ECT2L: variants seen among roughly 807,000 people sequenced by gnomAD.
ECT2L encodes the protein epithelial cell transforming 2 like, also known as epithelial cell-transforming sequence 2 oncogene-like.
Under a neutral mutation model 122.8 loss-of-function variants are expected in ECT2L, and 126 were observed. The ratio of observed to expected loss-of-function variants is 1.03; its 90% confidence interval spans 0.89 to 1.19. ECT2L has a LOEUF of 1.19. Ranked by LOEUF, ECT2L falls within the 50% of genes most tolerant of loss-of-function variation. ECT2L has a pLI of 0.00. For missense variants in ECT2L, 1,012 were observed against 1,064.1 expected (o/e 0.95, Z 0.68); for synonymous variants, 385 against 381.8 (o/e 1.01, Z -0.10).
chr6:138,894,206 G>A (rs923112929), intron 20 of ECT2L, among the ~76,000 whole-genome samples: 4 of 152,040 alleles, frequency 2.6e-5, no homozygotes, highest in Admixed American at 6.6e-5. Context: ...ACAGGCACAC[G>A]CCACCACACC....
chr6:138,885,752 C>A lies in ECT2L; in HGVS notation c.2181C>A (p.Thr727=). The A allele has an allele frequency of 6.2e-7, 1 of 1,614,110 alleles. No homozygotes were observed. ...TTCTCTACGCTGTCAGGCTTCATAC[C>A]CCTGCAGAGCATGTTGACCGTGGGG... ...LNLLYAVRLH[T]PAEHVDRGDL... is the part of the protein sequence containing the mutation. The change falls in exon 18 of 22, where the codon ACC becomes ACA. Residue 727 remains threonine, a synonymous_variant. Transcript: ENST00000541398.
intron 13 of ECT2L, among the ~76,000 whole-genome samples, chr6:138,869,212 G>GA: frequency 6.6e-6 from 1 of 152,280 alleles, no homozygotes; most frequent in Admixed American, 6.5e-5. Context: ...CTCTCCCTCT[G>GA]AGGGGAGTCG....
chr6:138,799,100 T>C (rs1210039912), intron 1 of ECT2L, among the ~76,000 whole-genome samples: 1 of 152,256 alleles, frequency 6.6e-6, no homozygotes, highest in Non-Finnish European at 1.5e-5. Flanking sequence ...AATCGTCCAT[T>C]GCTCAATTAA....
In ECT2L at chr6:138,864,322, A is replaced by G. The variant is rs75512699; in HGVS notation, c.1292-674A>G. On this transcript the variant is annotated intron_variant, in intron 11 of 21. Coordinates refer to ENST00000541398, the MANE Select transcript of ECT2L (RefSeq NM_001077706.3). ...GGGTGACAGAGCAAGACTGTCTCAA[A>G]CAGAAACAAAAACATGTTGTGAACC... is the stretch of plus-strand genomic sequence containing the variant. 3.7e-3 allele frequency among the ~76,000 whole-genome samples: 558 copies of G among 152,330 alleles called. 6 individuals carry two copies. The highest frequency in any genetic ancestry group is 0.013 in the African/African-American group (527 of 41,584).
chr6:138,872,729 T>C (rs1778299756), intron 13 of ECT2L, among the ~76,000 whole-genome samples: 1 of 152,170 alleles, frequency 6.6e-6, no homozygotes, highest in Non-Finnish European at 1.5e-5. Context: ...TTCCAAATTC[T>C]TCCAAAGTCC....
Position 138,844,455 on chromosome 6 carries a change from C to T in ECT2L, c.639C>T (p.Cys213=). Residue 213 remains cysteine (C), a synonymous_variant, in exon 7 of 22, where the codon TGC becomes TGT. Transcript: ENST00000541398. ...GACCCCCTTGGGTGAGTGGAACTTGCTGCTCTAGCGTGCTAAAGCCCAGAT... is the reference window on the plus strand; with the variant it reads ...GACCCCCTTGGGTGAGTGGAACTTGTTGCTCTAGCGTGCTAAAGCCCAGAT... The part of the protein sequence containing the change: ...KVRPPWVSGT[C]CSSVLKPRCQ... 5 of 1,614,138 alleles carry T rather than the reference C, an allele frequency of 3.1e-6. No individual in the cohort carries two copies. The highest frequency in any genetic ancestry group is 4.2e-6 in the Non-Finnish European group (5 of 1,180,000).
intron 1 of ECT2L, among the ~76,000 whole-genome samples, chr6:138,805,949 T>C (rs1345797093): frequency 6.6e-6 from 1 of 152,204 alleles, no homozygotes; most frequent in Non-Finnish European, 1.5e-5. Context: ...CAATTGTTCC[T>C]GGCCATGTGC....
At chr6:138,845,266 G>A (rs1334742239) in intron 7 of ECT2L, among the ~76,000 whole-genome samples, 10 of 145,192 alleles carry the variant, frequency 6.9e-5, no homozygotes, top group Non-Finnish European at 1.3e-4. Context: ...TTTTTGAGAC[G>A]GAGTCTCACT....
chr6:138,836,198 TTTGA>T (rs2128386110), intron 4 of ECT2L, among the ~76,000 whole-genome samples: 1 of 152,324 alleles, frequency 6.6e-6, no homozygotes, highest in East Asian at 1.9e-4. Flanking sequence ...TTTAAAAGTA[TTTGA>T]TTAATTTTAA....
chr6:138,880,653 C>T (rs1338963655), intron 14 of ECT2L, among the ~76,000 whole-genome samples: 1 of 152,130 alleles, frequency 6.6e-6, no homozygotes, highest in Non-Finnish European at 1.5e-5. Flanking sequence ...ATGGCCAGCA[C>T]CAGCATAAGA....
chr6:138,822,929 G>T, intron 4 of ECT2L: 1 of 1,613,640 alleles, frequency 6.2e-7, no homozygotes, highest in Non-Finnish European at 8.5e-7. Flanking sequence ...GCAATTCCAT[G>T]GTAGTGGCAA....
chr6:138,882,869 A>C lies in ECT2L; in HGVS notation c.2026A>C (p.Lys676Gln), dbSNP rs758549443. 6 of 1,613,868 alleles carry C rather than the reference A, an allele frequency of 3.7e-6. No homozygotes were observed. The African/African-American group carries it at 6.7e-5, about 18-fold the overall frequency. The change falls in exon 16 of 22, where the codon AAG (lysine) becomes CAG (glutamine). Residue 676 changes from lysine to glutamine, a missense_variant and splice_region_variant. Coordinates refer to ENST00000541398, the MANE Select transcript of ECT2L (RefSeq NM_001077706.3). Reference sequence around the variant, plus strand: ...CCCTGTCATTCTGAAAACTATTGAGAAGGTAAATGAGTTTCAATTCCATCA... The same window carrying C: ...CCCTGTCATTCTGAAAACTATTGAGCAGGTAAATGAGTTTCAATTCCATCA... ...NYPVILKTIE[K>Q]CREMIPAFRT...
chr6:138,820,855 G>A (rs980174298), intron 4 of ECT2L, among the ~76,000 whole-genome samples: 8 of 152,308 alleles, frequency 5.3e-5, no homozygotes, highest in African/African-American at 1.4e-4. Context: ...GATCTGCTAT[G>A]CTGCTTCCTT....
intron 4 of ECT2L, among the ~76,000 whole-genome samples, chr6:138,836,144 T>A (rs563348681): frequency 4.6e-5 from 7 of 152,278 alleles, no homozygotes; most frequent in African/African-American, 1.7e-4. Context: ...TTGGTTAAGA[T>A]AGCTAATTAA....
At chr6:138,863,430 T>C (rs531773883) in intron 11 of ECT2L, among the ~76,000 whole-genome samples, 2 of 152,248 alleles carry the variant, frequency 1.3e-5, no homozygotes, top group South Asian at 4.2e-4. Context: ...AAAATATTCT[T>C]TGTAGATATA....
chr6:138,842,972 T>G lies in ECT2L; in HGVS notation c.343-7T>G. The G allele has an allele frequency of 6.8e-7, 1 of 1,477,366 alleles. No individual in the cohort carries two copies. Among genetic ancestry groups the G allele is most frequent in the Non-Finnish European group, 9.1e-7 (1 of 1,101,342 alleles). The allele number at this position is 1,477,366 out of a possible 1,614,324, so 91.5% of individuals were successfully genotyped here. On this transcript the variant is annotated splice_polypyrimidine_tract_variant and splice_region_variant and intron_variant, in intron 5 of 21. Transcript: ENST00000541398. ...ATTTGTGACTCATCTTCCTCTTGTT[T>G]CTGAAGGATTGCTTATGGATGCCCA...
In ECT2L at chr6:138,846,606, AATG is replaced by A; in HGVS notation, c.837_839del (p.Asp280del). 1 of 1,611,548 alleles carries A rather than the reference AATG, an allele frequency of 6.2e-7. No homozygotes were observed. The highest frequency in any genetic ancestry group is 8.5e-7 in the Non-Finnish European group (1 of 1,179,298). On this transcript the variant is annotated inframe_deletion, in exon 8 of 22. Coordinates refer to ENST00000541398, the MANE Select transcript of ECT2L (RefSeq NM_001077706.3). Reference sequence around the variant, plus strand: ...GAAAAATTGGCATGGAGTTCATAAAAATGATGACAGATCTTCATATGCTCTCCG... The same window carrying A: ...GAAAAATTGGCATGGAGTTCATAAAAATGACAGATCTTCATATGCTCTCCG...
intron 4 of ECT2L, chr6:138,822,902 C>A: frequency 1.2e-6 from 2 of 1,613,890 alleles, no homozygotes; most frequent in South Asian, 1.1e-5. Context: ...CAATAGCTTT[C>A]GTCATTGGAC....
At chr6:138,853,890 C>T in intron 9 of ECT2L, 136 bp from the exon 10 acceptor site, 1 of 922,922 alleles carries the variant, frequency 1.1e-6, no homozygotes, top group Non-Finnish European at 1.7e-6. Context: ...CGGGAGGAAG[C>T]AGAGATGCCT....
Sources: gnomAD v4.1 joint callset for allele counts (sites outside exome capture counted in the v4.1 genomes callset) on GRCh38, gnomAD v4.1.1 for gene constraint, MANE v1.5 for transcripts, NCBI Gene and HGNC (gene_info 2026-07-23, HGNC 2026-07-21) for gene names.